TBC1D21: variants seen among roughly 807,000 people sequenced by gnomAD.
TBC1D21 encodes the protein TBC1 domain family member 21.
In TBC1D21, 38 loss-of-function variants were observed where a neutral mutation model predicts 46.0. The observed-to-expected ratio is 0.83, with a 90% confidence interval of 0.64 to 1.08. The LOEUF (loss-of-function observed/expected upper bound fraction) is 1.08. TBC1D21 is among the 50% of genes least tolerant of loss of function. TBC1D21 has a pLI of 0.00. For synonymous variants in TBC1D21, 151 were observed against 157.2 expected (o/e 0.96, Z 0.29); for missense variants, 415 against 417.9 (o/e 0.99, Z 0.06).
the TBC1D21 span, among the ~76,000 whole-genome samples, chr15:73,906,864 A>G: frequency 6.6e-6 from 1 of 152,176 alleles, no homozygotes; most frequent in African/African-American, 2.4e-5. Context: ...TGACTCATTC[A>G]CCGATGTCAT....
chr15:73,882,962 G>A (rs1276751441), intron 3 of TBC1D21, among the ~76,000 whole-genome samples: 2 of 152,228 alleles, frequency 1.3e-5, no homozygotes, highest in Non-Finnish European at 2.9e-5. Context: ...CAGCCAGTTT[G>A]CCTTTGTCTT....
downstream of TBC1D21, among the ~76,000 whole-genome samples, chr15:73,889,558 C>A (rs749961915): frequency 1.3e-5 from 2 of 152,234 alleles, no homozygotes; most frequent in Non-Finnish European, 2.9e-5. Flanking sequence ...CCCCCACCCC[C>A]ACTGCTCCCC....
intron 6 of TBC1D21, among the ~76,000 whole-genome samples, chr15:73,885,583 G>T (rs1231943242): frequency 6.6e-6 from 1 of 152,014 alleles, no homozygotes; most frequent in African/African-American, 2.4e-5. Flanking sequence ...GAGGGGTTTT[G>T]AAGGTGCAGC....
In TBC1D21 at chr15:73,886,722, T is replaced by C; in HGVS notation, c.777+110T>C. On this transcript the variant is annotated intron_variant, in intron 8 of 10. Transcript: ENST00000300504. ...TCTTCCTGGCTTGGATGGAGTTCAG[T>C]ATCTCGGGGTTTTGTTAGGTCAGCA... 4 of 1,034,618 alleles carry C rather than the reference T, an allele frequency of 3.9e-6. 1 individual carries two copies. In the South Asian group the frequency reaches 5.3e-5, roughly 14 times the overall value. The allele number at this position is 1,034,618 out of a possible 1,614,324, so 64.1% of individuals were successfully genotyped here.
At chr15:73,896,005 G>A in the TBC1D21 span, among the ~76,000 whole-genome samples, 1 of 152,192 alleles carries the variant, frequency 6.6e-6, no homozygotes, top group Non-Finnish European at 1.5e-5. Flanking sequence ...AATGGTGGAA[G>A]TGATAGAGTT....
chr15:73,876,181 C>A (rs2068055754), intron 1 of TBC1D21, among the ~76,000 whole-genome samples: 1 of 128,016 alleles, frequency 7.8e-6, no homozygotes, highest in Non-Finnish European at 1.6e-5. Context: ...AAGGAAGAAT[C>A]AGTGACTTTT....
Position 73,873,786 on chromosome 15 carries a change from A to G in TBC1D21, c.60+17A>G, listed in dbSNP as rs1183693344. ...TTCATCCTGGTGCGTGTTCTTTGTC[A>G]GCTCTGAGTGCCTCCCTCCCCAGCC... is the stretch of plus-strand genomic sequence containing the variant. On this transcript the variant is annotated intron_variant, in intron 1 of 10. Coordinates refer to ENST00000300504, the MANE Select transcript of TBC1D21 (RefSeq NM_153356.3). The G allele has an allele frequency of 2.5e-6, 4 of 1,607,286 alleles. No individual in the cohort carries two copies. Among genetic ancestry groups the G allele is most frequent in the Non-Finnish European group, 3.4e-6 (4 of 1,176,322 alleles).
In TBC1D21 at chr15:73,886,529, G is replaced by A. The variant is rs940221392; in HGVS notation, c.694G>A (p.Ala232Thr). 13 of 1,613,548 alleles carry A rather than the reference G, an allele frequency of 8.1e-6. No individual in the cohort carries two copies. Among genetic ancestry groups the A allele is most frequent in the Non-Finnish European group, 1.1e-5 (13 of 1,179,958 alleles). The change falls in exon 8 of 11, where the codon GCT becomes ACT. Residue 232 changes from alanine (A) to threonine (T), a missense_variant. Physicochemically the swap from Ala to Thr is moderately conservative, Grantham distance 58. Coordinates refer to ENST00000300504, the MANE Select transcript of TBC1D21 (RefSeq NM_153356.3). Reference protein sequence around the residue: ...AEHLKGKGAGAVQSLFPWFCF... With the variant: ...AEHLKGKGAGTVQSLFPWFCF... ...CCCCACAGAAGGGAAGGGTGCAGGG[G>A]CTGTGCAGTCCCTCTTCCCCTGGTT...
At chr15:73,882,704 C>T (rs1332359398) in intron 3 of TBC1D21, among the ~76,000 whole-genome samples, 2 of 152,218 alleles carry the variant, frequency 1.3e-5, no homozygotes, top group East Asian at 1.9e-4. Flanking sequence ...TCAGTCTCCT[C>T]CTCTATAAAA....
At chr15:73,903,208 C>T in the TBC1D21 span, among the ~76,000 whole-genome samples, 1 of 152,234 alleles carries the variant, frequency 6.6e-6, no homozygotes, top group East Asian at 1.9e-4. Flanking sequence ...CAGTCCTTAC[C>T]ATAACAGGCT....
intron 1 of TBC1D21, 29 bp from the exon 2 acceptor site, chr15:73,881,370 A>G: frequency 1.3e-6 from 2 of 1,562,224 alleles, no homozygotes; most frequent in Non-Finnish European, 1.8e-6. Flanking sequence ...CTTCTAACAT[A>G]AGGCAGAACT....
chr15:73,906,162 T>G, the TBC1D21 span, among the ~76,000 whole-genome samples: 3 of 152,200 alleles, frequency 2.0e-5, no homozygotes, highest in African/African-American at 7.2e-5. Flanking sequence ...AGAAAAGTTT[T>G]GTCTCCATAA....
downstream of TBC1D21, among the ~76,000 whole-genome samples, chr15:73,889,651 G>A (rs1011914815): frequency 6.6e-6 from 1 of 152,250 alleles, no homozygotes; most frequent in Non-Finnish European, 1.5e-5. Flanking sequence ...TGGCCTGGAA[G>A]AACTATCTGA....
chr15:73,900,387 C>G, the TBC1D21 span, among the ~76,000 whole-genome samples: 2 of 152,218 alleles, frequency 1.3e-5, no homozygotes, highest in Non-Finnish European at 2.9e-5. Flanking sequence ...GCACGGCAGT[C>G]CTGCATAATT....
the TBC1D21 span, chr15:73,909,667 T>C: frequency 2.6e-5 from 4 of 152,336 alleles, no homozygotes; most frequent in South Asian, 8.3e-4. Context: ...ATAGCCCTGT[T>C]CCTCTGCAGG....
At chr15:73,907,318 T>C in the TBC1D21 span, among the ~76,000 whole-genome samples, 8 of 152,222 alleles carry the variant, frequency 5.3e-5, no homozygotes, top group Non-Finnish European at 1.0e-4. Context: ...CTGCTCCTGA[T>C]ACTTCACCGG....
At chr15:73,898,880 A>AAAAAAATATAT in the TBC1D21 span, among the ~76,000 whole-genome samples, 19 of 56,804 alleles carry the variant, frequency 3.3e-4, 1 homozygote, top group South Asian at 4.9e-3. Context: ...AAAAAAAAAA[A>AAAAAAATATAT]ATATATATAT....
intron 1 of TBC1D21, among the ~76,000 whole-genome samples, chr15:73,876,523 G>A (rs4886721): frequency 0.44 from 66,323 of 151,106 alleles, 15,982 homozygotes; most frequent in Middle Eastern, 0.62. Context: ...GATTACAGGC[G>A]TGAGCCACCG....
the TBC1D21 span, among the ~76,000 whole-genome samples, chr15:73,897,905 G>A: frequency 6.6e-6 from 1 of 151,978 alleles, no homozygotes; most frequent in Non-Finnish European, 1.5e-5. Context: ...CTGTGAGCAG[G>A]TGCAGTGGGA....
Sources: allele counts gnomAD v4.1 joint callset (sites outside exome capture counted in the v4.1 genomes callset), GRCh38; gene constraint gnomAD v4.1.1; transcripts MANE v1.5; gene names NCBI Gene and HGNC (gene_info 2026-07-23, HGNC 2026-07-21).